The following C5 variants were observed in gnomAD, a reference collection of about 807,000 sequenced individuals.
The protein encoded by C5 is complement C5, also known as C3 and PZP-like alpha-2-macroglobulin domain-containing protein 4.
A neutral mutation model predicts 218.8 loss-of-function variants in C5; 140 were observed. That is an observed-to-expected ratio of 0.64 (90% confidence interval 0.56 to 0.74). The LOEUF (loss-of-function observed/expected upper bound fraction) is 0.74. C5 is among the 30% of genes least tolerant of loss of function. The probability of loss-of-function intolerance (pLI) is 0.00; values close to 1 mark genes in which losing one functional copy is unlikely to be tolerated. For missense variants in C5, 1,700 were observed against 1,969.6 expected (o/e 0.86, Z 2.59); for synonymous variants, 614 against 682.3 (o/e 0.90, Z 1.56).
chr9:120,999,832 G>T, intron 20 of C5: 1 of 427,660 alleles, frequency 2.3e-6, no homozygotes, highest in Non-Finnish European at 4.6e-6. Flanking sequence ...TGATATGATG[G>T]AAATGCACTG....
chr9:121,064,999 G>C, the C5 span, among the ~76,000 whole-genome samples: 1 of 152,130 alleles, frequency 6.6e-6, no homozygotes, highest in Non-Finnish European at 1.5e-5. Context: ...GAATCCAGGA[G>C]GCAGAGGTTG....
chr9:121,046,414 G>A, intron 1 of C5, 31 bp from the exon 2 acceptor site: 1 of 1,420,488 alleles, frequency 7.0e-7, no homozygotes, highest in Non-Finnish European at 9.9e-7. Context: ...AAGGCTCAAT[G>A]TCTTTATATG....
At chr9:121,026,021 T>G (rs1352452419) in intron 8 of C5, 2 of 155,288 alleles carry the variant, frequency 1.3e-5, no homozygotes, top group Non-Finnish European at 2.9e-5. Context: ...TATTATATTA[T>G]TTAATTATTA....
intron 28 of C5, among the ~76,000 whole-genome samples, chr9:120,977,581 A>G (rs2046962766): frequency 6.6e-6 from 1 of 152,074 alleles, no homozygotes; most frequent in South Asian, 2.1e-4. Context: ...CAGCTTCCTG[A>G]GTGGCTGGGA....
chr9:121,066,311 TAAAA>T, the C5 span, among the ~76,000 whole-genome samples: 1 of 64,234 alleles, frequency 1.6e-5, no homozygotes, highest in Non-Finnish European at 2.9e-5. Flanking sequence ...GACTCCATCT[TAAAA>T]AAAAAAAAAA....
At chr9:120,970,738 C>T (rs1164972810) in intron 31 of C5, among the ~76,000 whole-genome samples, 1 of 152,176 alleles carries the variant, frequency 6.6e-6, no homozygotes, top group African/African-American at 2.4e-5. Flanking sequence ...CTCTCCTCCC[C>T]CATATAAACT....
chr9:121,032,076 A>G (rs1261291804), intron 6 of C5, 37 bp downstream of exon 6: 2 of 1,364,160 alleles, frequency 1.5e-6, no homozygotes, highest in Non-Finnish European at 2.1e-6. Flanking sequence ...AACAAAAAAC[A>G]AAAAGCAAAG....
rs2046957871 is a variant in C5, at chr9:120,976,900, G to A, written c.3664C>T (p.Pro1222Ser). 2 of 1,612,870 alleles carry A rather than the reference G, an allele frequency of 1.2e-6. No homozygotes were observed. The highest frequency in any genetic ancestry group is 1.7e-6 in the Non-Finnish European group (2 of 1,178,908). ...LKREALVKGNPPIYRFWKDNL... is the reference protein window; with the variant it reads ...LKREALVKGNSPIYRFWKDNL... ...TCTTTCCAAAAACGATAAATGGGTG[G>A]ATTACCTGAACATCAACAAATTCCA... The change falls in exon 29 of 41, where the codon CCA becomes TCA. Residue 1222 changes from proline (P) to serine (S), a missense_variant. Coordinates refer to ENST00000223642, the MANE Select transcript of C5 (RefSeq NM_001735.3).
chr9:121,073,281 TC>T, the C5 span, among the ~76,000 whole-genome samples: 1 of 152,172 alleles, frequency 6.6e-6, no homozygotes, highest in South Asian at 2.1e-4. Context: ...CAAGCTCTTT[TC>T]CCCCGCTTCC....
intron 40 of C5, among the ~76,000 whole-genome samples, chr9:120,953,249 G>GT (rs1254098210): frequency 6.6e-6 from 1 of 152,168 alleles, no homozygotes; most frequent in African/African-American, 2.4e-5. Flanking sequence ...GAGCCCAGCT[G>GT]TGGTCAGGTC....
chr9:121,040,060 C>T (rs1319559267), intron 3 of C5, among the ~76,000 whole-genome samples: 2 of 152,086 alleles, frequency 1.3e-5, no homozygotes, highest in Non-Finnish European at 2.9e-5. Flanking sequence ...ATGTAAAATT[C>T]TAGGGTGTGA....
the C5 span, among the ~76,000 whole-genome samples, chr9:121,071,874 G>T: frequency 6.8e-6 from 1 of 146,760 alleles, no homozygotes; most frequent in Non-Finnish European, 1.5e-5. Flanking sequence ...AAAAAAGACT[G>T]AGTAAAAGCT....
At chr9:121,016,035 T>C (rs2131758166) in intron 15 of C5, among the ~76,000 whole-genome samples, 1 of 152,270 alleles carries the variant, frequency 6.6e-6, no homozygotes, top group Middle Eastern at 3.4e-3. Flanking sequence ...AAGAGCTAGT[T>C]GGAGAGAGCC....
intron 20 of C5, among the ~76,000 whole-genome samples, chr9:121,002,238 GTATATGTATATATATGTATATATGTA>G (rs1564146446): frequency 1.2e-3 from 72 of 58,590 alleles, no homozygotes; most frequent in African/African-American, 2.4e-3. Flanking sequence ...ATGTATATAT[GTATATGTATATATATGTATATATGTA>G]TATATATGTA....
intron 16 of C5, 148 bp downstream of exon 16, chr9:121,015,051 T>G: frequency 1.6e-6 from 1 of 618,824 alleles, no homozygotes; most frequent in East Asian, 2.8e-5. Context: ...GGATTAATCT[T>G]TCTGAGAGAG....
At chr9:121,071,768 A>G in the C5 span, among the ~76,000 whole-genome samples, 1 of 152,204 alleles carries the variant, frequency 6.6e-6, no homozygotes, top group South Asian at 2.1e-4. Context: ...CTGACAAACT[A>G]GTCTGTTTCT....
intron 20 of C5, among the ~76,000 whole-genome samples, chr9:121,002,264 A>ATATG (rs1554721956): frequency 1.2e-4 from 11 of 93,248 alleles, no homozygotes; most frequent in East Asian, 5.0e-4. Context: ...GTATATATGT[A>ATATG]TATATATGTA....
At chr9:121,044,943 ACTTT>A (rs1263868991) in intron 2 of C5, among the ~76,000 whole-genome samples, 1 of 145,958 alleles carries the variant, frequency 6.9e-6, no homozygotes, top group Non-Finnish European at 1.5e-5. Context: ...TGAAAGTAAC[ACTTT>A]CTTTTTTTTT....
At chr9:121,055,115 TG>T (rs557400804), upstream of C5, among the ~76,000 whole-genome samples, 260 of 152,304 alleles carry the variant, frequency 1.7e-3, 1 homozygote, top group African/African-American at 5.9e-3. Context: ...CCTGCTTTTT[TG>T]GGCTGAATCA....
Sources: gnomAD v4.1 joint callset for allele counts (sites outside exome capture counted in the v4.1 genomes callset) on GRCh38, gnomAD v4.1.1 for gene constraint, MANE v1.5 for transcripts, NCBI Gene and HGNC (gene_info 2026-07-23, HGNC 2026-07-21) for gene names.